The following ELAVL4 variants were observed in gnomAD, a reference collection of about 807,000 sequenced individuals.
ELAVL4 encodes the protein ELAV like RNA binding protein 4, also known as ELAV-like protein 4.
Under a neutral mutation model 35.6 loss-of-function variants are expected in ELAVL4, and 1 was observed. That is an observed-to-expected ratio of 0.03 (90% confidence interval 0.01 to 0.13). ELAVL4 has a LOEUF of 0.13. Among genes scored for constraint, ELAVL4 ranks in the 10% least tolerant of loss-of-function variants. The probability of loss-of-function intolerance (pLI) is 1.00; values close to 1 mark genes in which losing one functional copy is unlikely to be tolerated. For missense variants in ELAVL4, 267 were observed against 464.9 expected (o/e 0.57, Z 3.91); for synonymous variants, 156 against 171.0 (o/e 0.91, Z 0.69).
Position 50,142,383 on chromosome 1 carries a change from A to G in ELAVL4, c.10-2574A>G, listed in dbSNP as rs527300623. On this transcript the variant is annotated intron_variant, in intron 1 of 6. Transcript: ENST00000371824. ...CACACACAGCTAATTTTGTATTTTC[A>G]ATAGAGACTGGGTTTCTCCATGTTG... Among the ~76,000 whole-genome samples the G allele has an allele frequency of 9.8e-4, 149 of 152,116 alleles. 1 individual carries two copies. The highest frequency in any genetic ancestry group is 3.5e-3 in the African/African-American group (145 of 41,512).
At chr1:50,147,405 C>A (rs1673912191) in intron 2 of ELAVL4, among the ~76,000 whole-genome samples, 1 of 152,140 alleles carries the variant, frequency 6.6e-6, no homozygotes, top group Non-Finnish European at 1.5e-5. Flanking sequence ...TGTACCATTC[C>A]ATAGATGCAG....
chr1:50,089,297 C>T (rs965945055), intron 1 of ELAVL4, among the ~76,000 whole-genome samples: 4 of 152,104 alleles, frequency 2.6e-5, no homozygotes, highest in African/African-American at 9.7e-5. Context: ...TAAAAACTGG[C>T]TAAATTAAAT....
chr1:50,125,649 A>G (rs1051580747), intron 1 of ELAVL4, among the ~76,000 whole-genome samples: 2 of 152,042 alleles, frequency 1.3e-5, no homozygotes, highest in African/African-American at 4.8e-5. Context: ...AATGGGACAA[A>G]TGTTCCAGGA....
At chr1:50,138,618 A>G (rs1221475365) in intron 1 of ELAVL4, among the ~76,000 whole-genome samples, 1 of 151,916 alleles carries the variant, frequency 6.6e-6, no homozygotes, top group Non-Finnish European at 1.5e-5. Flanking sequence ...GGCACCCGCC[A>G]TCATGCCTGG....
chr1:50,115,906 C>G (rs992188952), intron 1 of ELAVL4, among the ~76,000 whole-genome samples: 1 of 151,984 alleles, frequency 6.6e-6, no homozygotes, highest in Admixed American at 6.6e-5. Flanking sequence ...GAGGATAAGT[C>G]CCTGTGATTG....
intron 1 of ELAVL4, among the ~76,000 whole-genome samples, chr1:50,124,649 G>T (rs562916881): frequency 1.3e-5 from 2 of 152,048 alleles, no homozygotes; most frequent in African/African-American, 2.4e-5. Flanking sequence ...TTGAGATAGG[G>T]TCTCACTCTG....
At chr1:50,112,201 CTTG>C (rs1197221390) in intron 1 of ELAVL4, among the ~76,000 whole-genome samples, 1 of 151,896 alleles carries the variant, frequency 6.6e-6, no homozygotes, top group Non-Finnish European at 1.5e-5. Context: ...ACACTTGAAA[CTTG>C]CGGCCATATG....
upstream of ELAVL4, chr1:50,103,964 C>A (rs773507777): frequency 6.2e-7 from 1 of 1,613,924 alleles, no homozygotes; most frequent in South Asian, 1.1e-5. Flanking sequence ...CTGCCCTAAT[C>A]GACTGAAAAT....
intron 1 of ELAVL4, among the ~76,000 whole-genome samples, chr1:50,142,074 C>T (rs373816801): frequency 1.3e-5 from 2 of 152,248 alleles, no homozygotes; most frequent in Admixed American, 1.3e-4. Context: ...CATTATCTCT[C>T]ATCCTGAAGA....
intron 2 of ELAVL4, among the ~76,000 whole-genome samples, chr1:50,173,896 C>G (rs1331297036): frequency 6.6e-6 from 1 of 152,140 alleles, no homozygotes; most frequent in Non-Finnish European, 1.5e-5. Context: ...TACAGATACA[C>G]TAGCTCTGGG....
At chr1:50,133,822 A>T (rs187467305) in intron 1 of ELAVL4, among the ~76,000 whole-genome samples, 1 of 152,150 alleles carries the variant, frequency 6.6e-6, no homozygotes, top group Non-Finnish European at 1.5e-5. Flanking sequence ...CATGAGTATA[A>T]TTTATCACGG....
In ELAVL4 at chr1:50,200,795, T is replaced by C. The variant is rs140256529; in HGVS notation, c.774-56T>C. On this transcript the variant is annotated intron_variant, in intron 6 of 6. Coordinates refer to ENST00000371824, the MANE Select transcript of ELAVL4 (RefSeq NM_001144774.3). ...ATGTCTGTGTCTGTGCATCTGTGTGTTATCCTTGGTCAGACTGATGTCTGG... is the reference window on the plus strand; with the variant it reads ...ATGTCTGTGTCTGTGCATCTGTGTGCTATCCTTGGTCAGACTGATGTCTGG... The C allele has an allele frequency of 3.5e-4, 560 of 1,584,444 alleles. 5 individuals carry two copies. In the African/African-American group the frequency reaches 4.7e-3, roughly 13 times the overall value.
intron 2 of ELAVL4, among the ~76,000 whole-genome samples, chr1:50,174,145 GT>G (rs1254247196): frequency 2.0e-5 from 3 of 152,084 alleles, no homozygotes; most frequent in East Asian, 3.9e-4. Flanking sequence ...TAAAGCTTGG[GT>G]TTTTTTATTT....
chr1:50,097,191 G>A (rs1473993816), intron 1 of ELAVL4, among the ~76,000 whole-genome samples: 1 of 152,182 alleles, frequency 6.6e-6, no homozygotes, highest in Non-Finnish European at 1.5e-5. Context: ...CTGCACTCCA[G>A]CCTGGGTGAC....
At chr1:50,194,304 G>A (rs1367073797) in intron 4 of ELAVL4, among the ~76,000 whole-genome samples, 17 of 152,206 alleles carry the variant, frequency 1.1e-4, no homozygotes. Flanking sequence ...GCATTATAGA[G>A]TTAGAAGGAA....
intron 1 of ELAVL4, among the ~76,000 whole-genome samples, chr1:50,139,804 C>T (rs973576138): frequency 2.6e-5 from 4 of 152,068 alleles, no homozygotes; most frequent in African/African-American, 7.2e-5. Context: ...GGTGATGATC[C>T]GGCAGCTGCA....
chr1:50,175,231 T>A (rs1341836937), intron 2 of ELAVL4, among the ~76,000 whole-genome samples: 1 of 152,160 alleles, frequency 6.6e-6, no homozygotes, highest in African/African-American at 2.4e-5. Flanking sequence ...TTAGGTGAAT[T>A]ATTTAGCTAG....
At chr1:50,117,864 T>C (rs1428577889) in intron 1 of ELAVL4, among the ~76,000 whole-genome samples, 1 of 152,124 alleles carries the variant, frequency 6.6e-6, no homozygotes, top group Non-Finnish European at 1.5e-5. Flanking sequence ...GTTGTTGTTT[T>C]TTTCTATATA....
intron 1 of ELAVL4, among the ~76,000 whole-genome samples, chr1:50,114,253 C>T (rs1667568847): frequency 6.6e-6 from 1 of 151,832 alleles, no homozygotes; most frequent in Non-Finnish European, 1.5e-5. Flanking sequence ...GGGCGGTGGG[C>T]AGGATGTTTT....
Sources: allele counts gnomAD v4.1 joint callset (sites outside exome capture counted in the v4.1 genomes callset), GRCh38; gene constraint gnomAD v4.1.1; transcripts MANE v1.5; gene names NCBI Gene and HGNC (gene_info 2026-07-23, HGNC 2026-07-21).